The following MINDY4 variants were observed in gnomAD, a reference collection of about 807,000 sequenced individuals.
The protein encoded by MINDY4 is probable ubiquitin carboxyl-terminal hydrolase MINDY-4.
MINDY4 carries 68 observed loss-of-function variants against 87.0 expected under a neutral mutation model. The ratio of observed to expected loss-of-function variants is 0.78; its 90% CI spans 0.64 to 0.96. The LOEUF is 0.96. Ranked by LOEUF, MINDY4 falls within the 40% of genes least tolerant of loss-of-function variation. The pLI is 0.00. For synonymous variants in MINDY4, 379 were observed against 363.2 expected (o/e 1.04, Z -0.50); for missense variants, 919 against 928.2 (o/e 0.99, Z 0.13).
chr7:30,802,133 C>G (rs939809180), intron 5 of MINDY4, among the ~76,000 whole-genome samples: 10 of 151,972 alleles, frequency 6.6e-5, no homozygotes, highest in Non-Finnish European at 1.2e-4. Context: ...TTTTCTCACT[C>G]CAAGATGCTT....
chr7:30,796,534 G>C (rs546083098), intron 5 of MINDY4, among the ~76,000 whole-genome samples: 7 of 152,246 alleles, frequency 4.6e-5, no homozygotes, highest in Non-Finnish European at 1.0e-4. Flanking sequence ...AAAGCAGGGT[G>C]GAATACATGC....
At chr7:30,858,780 G>C (rs1789658058) in intron 12 of MINDY4, 8 of 355,600 alleles carry the variant, frequency 2.2e-5, no homozygotes, top group South Asian at 1.7e-4. Context: ...TTCTGAGTAA[G>C]GGATCTGGAA....
intron 5 of MINDY4, among the ~76,000 whole-genome samples, chr7:30,823,179 G>A (rs886250413): frequency 1.3e-5 from 2 of 152,060 alleles, no homozygotes; most frequent in East Asian, 1.9e-4. Context: ...CTCTGTTAAC[G>A]TGGTGTATGT....
intron 12 of MINDY4, among the ~76,000 whole-genome samples, chr7:30,855,373 A>G (rs1037371331): frequency 1.3e-5 from 2 of 152,182 alleles, no homozygotes; most frequent in African/African-American, 4.8e-5. Context: ...GTGTTGTGAG[A>G]GTGCAGCAGT....
chr7:30,786,755 CA>C (rs1787169323), intron 4 of MINDY4: 1 of 151,508 alleles, frequency 6.6e-6, no homozygotes, highest in Admixed American at 6.6e-5. Flanking sequence ...TTTTCTCTTT[CA>C]AAGAAAGATT....
At chr7:30,786,908 C>T (rs1376938986) in intron 4 of MINDY4, among the ~76,000 whole-genome samples, 1 of 152,072 alleles carries the variant, frequency 6.6e-6, no homozygotes, top group Non-Finnish European at 1.5e-5. Context: ...AAAACAAAAG[C>T]AAACACCAAA....
intron 5 of MINDY4, among the ~76,000 whole-genome samples, chr7:30,802,097 A>G (rs968026747): frequency 1.3e-5 from 2 of 152,172 alleles, no homozygotes; most frequent in African/African-American, 4.8e-5. Flanking sequence ...GAGTGGTATT[A>G]TGGAGAATCT....
intron 5 of MINDY4, among the ~76,000 whole-genome samples, chr7:30,796,004 C>T (rs1787474849): frequency 6.6e-6 from 1 of 152,188 alleles, no homozygotes; most frequent in African/African-American, 2.4e-5. Flanking sequence ...CCTTAATCCC[C>T]CCTTGCCATG....
chr7:30,870,634 A>G (rs1790073659), intron 13 of MINDY4, among the ~76,000 whole-genome samples: 1 of 152,212 alleles, frequency 6.6e-6, no homozygotes, highest in South Asian at 2.1e-4. Flanking sequence ...TTCCCCAAGT[A>G]TTGTGGAGCT....
intron 11 of MINDY4, 31 bp from the exon 12 acceptor site, chr7:30,853,363 C>G: frequency 1.9e-6 from 3 of 1,588,750 alleles, no homozygotes; most frequent in Non-Finnish European, 2.6e-6. Context: ...GGGGCTTGGG[C>G]CACTCATCCT....
intron 5 of MINDY4, among the ~76,000 whole-genome samples, chr7:30,823,430 C>G (rs1788401850): frequency 6.6e-6 from 1 of 152,168 alleles, no homozygotes; most frequent in African/African-American, 2.4e-5. Context: ...TGTCCATCTT[C>G]TTTCTCTTTT....
rs1790234345 is a variant in MINDY4, at chr7:30,875,616, T to C, written c.1931T>C (p.Ile644Thr). Reference sequence around the variant, plus strand: ...AGAGGCATTGCTGCACGCAGTGATATTGGCTTCTTATCTCTCTTTGAGCAT... The same window carrying C: ...AGAGGCATTGCTGCACGCAGTGATACTGGCTTCTTATCTCTCTTTGAGCAT... ...LLRGIAARSD[I>T]GFLSLFEHYN... The change falls in exon 15 of 18, where the codon ATT becomes ACT. Residue 644 changes from isoleucine (I) to threonine (T), a missense_variant. Physicochemically the swap from Ile to Thr is moderately conservative, Grantham distance 89. Coordinates refer to ENST00000265299, the MANE Select transcript of MINDY4 (RefSeq NM_032222.3). The C allele has an allele frequency of 5.0e-6, 8 of 1,614,016 alleles. No homozygotes were observed. In the South Asian group the frequency reaches 7.7e-5, roughly 16 times the overall value.
At chr7:30,814,864 G>A (rs1386015320) in intron 5 of MINDY4, among the ~76,000 whole-genome samples, 1 of 152,216 alleles carries the variant, frequency 6.6e-6, no homozygotes, top group East Asian at 1.9e-4. Flanking sequence ...CCCAGTCAGA[G>A]CTGTTTCGAA....
At chr7:30,891,876 G>A in intron 17 of MINDY4, 81 bp from the exon 18 acceptor site, 1 of 1,417,546 alleles carries the variant, frequency 7.1e-7, no homozygotes, top group South Asian at 1.1e-5. Context: ...AAACCTTCAG[G>A]AAGTGGAGGC....
At chr7:30,873,725 T>C (rs926013346) in intron 14 of MINDY4, among the ~76,000 whole-genome samples, 3 of 152,198 alleles carry the variant, frequency 2.0e-5, no homozygotes, top group Non-Finnish European at 4.4e-5. Flanking sequence ...GGCTTCCTGC[T>C]ATGAGGAAGA....
chr7:30,816,924 G>A (rs566877889), intron 5 of MINDY4, among the ~76,000 whole-genome samples: 7 of 152,324 alleles, frequency 4.6e-5, no homozygotes, highest in Admixed American at 2.6e-4. Context: ...AACCGTTTGA[G>A]AACTGGCAAC....
intron 5 of MINDY4, among the ~76,000 whole-genome samples, chr7:30,807,481 G>C (rs996133921): frequency 2.6e-5 from 4 of 151,742 alleles, no homozygotes; most frequent in Non-Finnish European, 5.9e-5. Context: ...GAAAAGAGAA[G>C]TTGAAAGTAT....
At chr7:30,782,348 G>T (rs974600876) in intron 3 of MINDY4, 136 bp downstream of exon 3, 7 of 466,858 alleles carry the variant, frequency 1.5e-5, no homozygotes, top group Admixed American at 1.1e-4. Context: ...ATGTTTGTGT[G>T]TGTGTGTGTG....
At chr7:30,855,937 C>G (rs982167611) in intron 12 of MINDY4, among the ~76,000 whole-genome samples, 4 of 152,256 alleles carry the variant, frequency 2.6e-5, no homozygotes, top group Non-Finnish European at 5.9e-5. Flanking sequence ...TCACCAAATT[C>G]ATTTTTCATG....
Sources: allele counts gnomAD v4.1 joint callset (sites outside exome capture counted in the v4.1 genomes callset), GRCh38; gene constraint gnomAD v4.1.1; transcripts MANE v1.5; gene names NCBI Gene and HGNC (gene_info 2026-07-23, HGNC 2026-07-21).